The following CTC1 variants were observed in gnomAD, a reference collection of about 807,000 sequenced individuals.
CTC1 encodes the protein CST complex subunit CTC1.
A neutral mutation model predicts 136.3 loss-of-function variants in CTC1; 91 were observed. That is an observed-to-expected ratio of 0.67 (90% CI 0.56 to 0.79). The LOEUF is 0.79. CTC1 is among the 30% of genes least tolerant of loss of function. CTC1 has a pLI of 0.00. For synonymous variants in CTC1, 606 were observed against 613.8 expected (o/e 0.99, Z 0.19); for missense variants, 1,432 against 1,498.1 (o/e 0.96, Z 0.73).
intron 1 of CTC1, 175 bp downstream of exon 1, chr17:8,247,829 G>T (rs1163247145): frequency 3.1e-6 from 2 of 648,280 alleles, no homozygotes; most frequent in East Asian, 2.8e-5. Flanking sequence ...GTGAATGAGG[G>T]AATAAACATT....
intron 1 of CTC1, chr17:8,247,712 GA>G (rs1988872501): frequency 2.5e-6 from 1 of 400,796 alleles, no homozygotes; most frequent in Non-Finnish European, 4.6e-6. Context: ...TCTTCTCCAG[GA>G]ACCCACAGCC....
intron 1 of CTC1, among the ~76,000 whole-genome samples, chr17:8,245,556 G>A (rs903508003): frequency 2.0e-5 from 3 of 151,978 alleles, no homozygotes; most frequent in Non-Finnish European, 4.4e-5. Context: ...CACTGAATAC[G>A]ACTGTCTCTC....
chr17:8,230,114 C>T (rs1015133562), intron 17 of CTC1, 146 bp from the exon 18 acceptor site: 7 of 982,688 alleles, frequency 7.1e-6, no homozygotes, highest in African/African-American at 6.4e-5. Context: ...TAGGGGAAGA[C>T]TAGGAGGAGG....
chr17:8,241,849 C>CAA (rs59476896), intron 2 of CTC1, among the ~76,000 whole-genome samples: 18,069 of 95,854 alleles, frequency 0.19, 2,406 homozygotes, highest in Non-Finnish European at 0.24. Flanking sequence ...GACCCTGTCT[C>CAA]AAAAAAAAAA....
At chr17:8,242,907 A>T in intron 2 of CTC1, 78 bp downstream of exon 2, 1 of 1,360,384 alleles carries the variant, frequency 7.4e-7, no homozygotes, top group Admixed American at 2.5e-5. Context: ...CCCTTTTTCT[A>T]ATTATAGAAC....
intron 10 of CTC1, 122 bp from the exon 11 acceptor site, chr17:8,233,154 G>T: frequency 8.9e-7 from 1 of 1,125,068 alleles, no homozygotes; most frequent in Non-Finnish European, 1.3e-6. Flanking sequence ...CACGTCTCTG[G>T]CTTCAAAAAA....
Position 8,225,843 on chromosome 17 carries a change from CATT to C in CTC1, c.*2334_*2336del, listed in dbSNP as rs1395955232. ...TTTATATTATATACTATATATATAACATTATGAGCCACCAAACCCAAAGAACTA... is the reference window on the plus strand; with the variant it reads ...TTTATATTATATACTATATATATAACATGAGCCACCAAACCCAAAGAACTA... On this transcript the variant is annotated 3_prime_UTR_variant, in exon 23 of 23. Coordinates refer to ENST00000651323, the MANE Select transcript of CTC1 (RefSeq NM_025099.6). 1.3e-5 allele frequency: 2 copies of C among 151,260 alleles called. No individual in the cohort carries two copies. Among genetic ancestry groups the C allele is most frequent in the African/African-American group, 4.8e-5 (2 of 41,238 alleles). The allele number at this position is 151,260 out of a possible 1,614,324, so 9.4% of individuals were successfully genotyped here. A position where few individuals can be genotyped will look rare whatever the true frequency, so the allele number is the denominator to read the frequency against.
In CTC1 at chr17:8,232,042, G is replaced by A; in HGVS notation, c.2246C>T (p.Pro749Leu). Residue 749 changes from proline (P) to leucine (L), a missense_variant, in exon 13 of 23, where the codon CCC (proline) becomes CTC (leucine). Pro to Leu is a moderately conservative substitution (Grantham distance 98, BLOSUM62 -3). Transcript: ENST00000651323. Reference protein sequence around the residue: ...EALMKRNFCVPPGASPEVPKP... With the variant: ...EALMKRNFCVLPGASPEVPKP... ...GGGCACCTCTGGACTTGCTCCTGGG[G>A]GGACACAAAAATTACGCTTCATGAG... The A allele has an allele frequency of 6.3e-7, 1 of 1,576,938 alleles. No homozygotes were observed. Among genetic ancestry groups the A allele is most frequent in the Non-Finnish European group, 8.6e-7 (1 of 1,166,178 alleles).
rs368398609 is a variant in CTC1 at position 8,238,504 on chromosome 17, C to T, written c.323G>A (p.Arg108Gln). ...TGTCCCTAAAAGTAACAGCTGCTCTCGGGGCAGGGGGTTCCCATTTGGTCC... is the reference window on the plus strand; with the variant it reads ...TGTCCCTAAAAGTAACAGCTGCTCTTGGGGCAGGGGGTTCCCATTTGGTCC... Reference protein sequence around the residue: ...EAGPNGNPLPREQLLLLGTLT... With the variant: ...EAGPNGNPLPQEQLLLLGTLT... Residue 108 changes from arginine to glutamine, a missense_variant, in exon 3 of 23, where the codon CGA (arginine) becomes CAA (glutamine). Coordinates refer to ENST00000651323, the MANE Select transcript of CTC1 (RefSeq NM_025099.6). 1 of 1,614,188 alleles carries T rather than the reference C, an allele frequency of 6.2e-7. No homozygotes were observed. The highest frequency in any genetic ancestry group is 1.3e-5 in the African/African-American group (1 of 75,050).
At chr17:8,239,613 G>C (rs1176858350) in intron 2 of CTC1, among the ~76,000 whole-genome samples, 1 of 151,700 alleles carries the variant, frequency 6.6e-6, no homozygotes, top group Admixed American at 6.6e-5. Flanking sequence ...CTCCAGATGG[G>C]GTTTCACCAT....
At position 8,228,747 on chromosome 17, in the gene CTC1, C is replaced by T. The variant is rs1336846960; in HGVS notation, c.3367G>A (p.Gly1123Arg). The T allele has an allele frequency of 1.2e-6, 2 of 1,614,000 alleles. No homozygotes were observed. Among genetic ancestry groups the T allele is most frequent in the African/African-American group, 2.7e-5 (2 of 74,916 alleles). Reference protein sequence around the residue: ...VPGRVVLQFAGPGAQLESSAR... With the variant: ...VPGRVVLQFARPGAQLESSAR... ...TACACCTCAAGTTGGGCTCCAGGCC[C>T]TGCAAACTGCAAGACCACTCTGCCT... Residue 1123 changes from glycine (G) to arginine (R), a missense_variant, in exon 21 of 23, where the codon GGG becomes AGG. By Grantham distance (125) the Gly-to-Arg change is moderately radical. Transcript: ENST00000651323.
intron 15 of CTC1, 102 bp downstream of exon 15, chr17:8,231,174 G>T (rs1987186286): frequency 3.1e-6 from 3 of 962,172 alleles, no homozygotes; most frequent in Non-Finnish European, 4.6e-6. Context: ...AATAACAAAA[G>T]AAATACCTCC....
chr17:8,231,717 G>A lies in CTC1; in HGVS notation c.2475+9C>T, dbSNP rs781404123. 1 of 1,612,092 alleles carries A rather than the reference G, an allele frequency of 6.2e-7. No homozygotes were observed. Among genetic ancestry groups the A allele is most frequent in the Admixed American group, 1.7e-5 (1 of 60,020 alleles). ...TCTGGGGAAAGGTATGATGAAGTAGGACACTCACAGCGGGGCCAGGAGCTA... is the reference window on the plus strand; with the variant it reads ...TCTGGGGAAAGGTATGATGAAGTAGAACACTCACAGCGGGGCCAGGAGCTA... On this transcript the variant is annotated intron_variant, in intron 14 of 22. Transcript: ENST00000651323.
At chr17:8,235,797 G>T in intron 7 of CTC1, 34 bp downstream of exon 7, 2 of 1,559,702 alleles carry the variant, frequency 1.3e-6, no homozygotes, top group Non-Finnish European at 1.7e-6. Flanking sequence ...AGCTGCAGAG[G>T]TCTCTTTTTG....
rs1030183723 is a variant in CTC1, at chr17:8,237,431, T to C, written c.736A>G (p.Ile246Val). 1 of 1,613,948 alleles carries C rather than the reference T, an allele frequency of 6.2e-7. No homozygotes were observed. Among genetic ancestry groups the C allele is most frequent in the Non-Finnish European group, 8.5e-7 (1 of 1,179,932 alleles). Residue 246 changes from isoleucine to valine, a missense_variant, in exon 5 of 23, where the codon ATC becomes GTC. Ile to Val is a conservative substitution (Grantham distance 29). Coordinates refer to ENST00000651323, the MANE Select transcript of CTC1 (RefSeq NM_025099.6). The part of the protein sequence containing the change: ...LVKSKQKAYF[I>V]LSLGRSHPAV... ...GGGTGTGATCTACCAAGAGACAGGA[T>C]GAAGTAAGCTTTCTGTTTACTTTTC...
Position 8,234,517 on chromosome 17 carries a change from G to A in CTC1, c.1756C>T (p.Leu586Phe), listed in dbSNP as rs760274760. 2 of 1,558,302 alleles carry A rather than the reference G, an allele frequency of 1.3e-6. No homozygotes were observed. The highest frequency in any genetic ancestry group is 1.7e-6 in the Non-Finnish European group (2 of 1,150,338). ...PEASYLPSCQ[L>F]NRRLAWSWLC... ...CAGGACCAAGCCAGGCGGCGATTGA[G>A]TTGGCAGCTGGGCAGGTAGGAGGCC... Residue 586 changes from leucine (L) to phenylalanine (F), a missense_variant, in exon 10 of 23, where the codon CTC becomes TTC. Coordinates refer to ENST00000651323, the MANE Select transcript of CTC1 (RefSeq NM_025099.6).
chr17:8,230,335 T>C lies in CTC1; in HGVS notation c.2892A>G (p.Gly964=). ...CCAACTGGCTGAAGTGGACCCGGGC[T>C]CCTGGAAGTAGTCCTAGTGAGGGAG... The part of the protein sequence containing the change: ...HLPPSLGLLP[G]ARVHFSQLEK... Residue 964 remains glycine (G), a synonymous_variant, in exon 17 of 23, where the codon GGA becomes GGG. Coordinates refer to ENST00000651323, the MANE Select transcript of CTC1 (RefSeq NM_025099.6). 1 of 1,613,898 alleles carries C rather than the reference T, an allele frequency of 6.2e-7. No individual in the cohort carries two copies. Among genetic ancestry groups the C allele is most frequent in the Non-Finnish European group, 8.5e-7 (1 of 1,179,954 alleles).
chr17:8,238,511 G>T lies in CTC1; in HGVS notation c.316C>A (p.Leu106Met). ...AQEAGPNGNP[L>M]PREQLLLLGT... ...AAAAGTAACAGCTGCTCTCGGGGCA[G>T]GGGGTTCCCATTTGGTCCAGCCTCT... Residue 106 changes from leucine (L) to methionine (M), a missense_variant, in exon 3 of 23, where the codon CTG becomes ATG. Transcript: ENST00000651323. The T allele has an allele frequency of 6.2e-7, 1 of 1,614,200 alleles. No individual in the cohort carries two copies. The highest frequency in any genetic ancestry group is 8.5e-7 in the Non-Finnish European group (1 of 1,180,028).
rs1344314488 is a variant in CTC1 at position 8,226,302 on chromosome 17, C to A, written c.*1878G>T. On this transcript the variant is annotated 3_prime_UTR_variant, in exon 23 of 23. Coordinates refer to ENST00000651323, the MANE Select transcript of CTC1 (RefSeq NM_025099.6). ...ACAGGCGCTTTAACCAACTAAGCCACGGCGCCGAAGCTGCCATAAAGGTTC... is the reference window on the plus strand; with the variant it reads ...ACAGGCGCTTTAACCAACTAAGCCAAGGCGCCGAAGCTGCCATAAAGGTTC... 2 of 152,214 alleles carry A rather than the reference C, an allele frequency of 1.3e-5. No individual in the cohort carries two copies. Among genetic ancestry groups the A allele is most frequent in the Non-Finnish European group, 2.9e-5 (2 of 68,026 alleles). The allele number at this position is 152,214 out of a possible 1,614,324, so 9.4% of individuals were successfully genotyped here. A position where few individuals can be genotyped will look rare whatever the true frequency, so the allele number is the denominator to read the frequency against.
Sources: allele counts gnomAD v4.1 joint callset (sites outside exome capture counted in the v4.1 genomes callset), GRCh38; gene constraint gnomAD v4.1.1; transcripts MANE v1.5; gene names NCBI Gene and HGNC (gene_info 2026-07-23, HGNC 2026-07-21).